Variants in CHL1 observed in about 807,000 individuals in gnomAD.
CHL1 encodes the protein neural cell adhesion molecule L1-like protein.
In CHL1, 96 loss-of-function variants were observed where a neutral mutation model predicts 141.9. That is an observed-to-expected ratio of 0.68 (90% CI 0.57 to 0.80). The LOEUF (loss-of-function observed/expected upper bound fraction) is 0.80. Among genes scored for constraint, CHL1 ranks in the 30% least tolerant of loss-of-function variants. The pLI is 0.00. For missense variants in CHL1, 1,820 were observed against 1,457.2 expected (o/e 1.25, Z -4.05); for synonymous variants, 613 against 502.2 (o/e 1.22, Z -2.95).
chr3:365,460 C>T (rs942426232), intron 14 of CHL1, among the ~76,000 whole-genome samples: 3 of 152,190 alleles, frequency 2.0e-5, no homozygotes, highest in Admixed American at 1.3e-4. Flanking sequence ...CAGTCACAGG[C>T]CCTACTTCCC....
chr3:366,455 A>C (rs1704896231), intron 15 of CHL1, among the ~76,000 whole-genome samples: 1 of 138,334 alleles, frequency 7.2e-6, no homozygotes, highest in Admixed American at 7.8e-5. Flanking sequence ...TGGGGGACAG[A>C]GAGAGACTCT....
At chr3:354,595 T>C in intron 10 of CHL1, 45 bp from the exon 11 acceptor site, 2 of 1,565,638 alleles carry the variant, frequency 1.3e-6, no homozygotes, top group East Asian at 4.5e-5. Context: ...TTTGGACTTT[T>C]TGACATAGAT....
At chr3:317,559 C>T (rs1467233007) in intron 2 of CHL1, among the ~76,000 whole-genome samples, 1 of 150,414 alleles carries the variant, frequency 6.6e-6, no homozygotes, top group Non-Finnish European at 1.5e-5. Context: ...GCATTGAAAA[C>T]TAATGGAACC....
At chr3:386,530 G>T (rs1267635375) in intron 19 of CHL1, among the ~76,000 whole-genome samples, 1 of 152,158 alleles carries the variant, frequency 6.6e-6, no homozygotes, top group African/African-American at 2.4e-5. Context: ...TTAAATACCT[G>T]TATCAGGATA....
intron 1 of CHL1, among the ~76,000 whole-genome samples, chr3:206,195 T>C (rs1191418051): frequency 1.3e-5 from 2 of 152,002 alleles, no homozygotes; most frequent in Non-Finnish European, 2.9e-5. Context: ...CTGCCAGAGG[T>C]GGTGGTGCAA....
chr3:273,030 G>C (rs113398948), intron 2 of CHL1, among the ~76,000 whole-genome samples: 1 of 152,164 alleles, frequency 6.6e-6, no homozygotes. Flanking sequence ...TTTCTGAAGC[G>C]GTGCCTTTGA....
intron 10 of CHL1, among the ~76,000 whole-genome samples, chr3:350,817 A>G (rs1703182669): frequency 6.6e-6 from 1 of 152,200 alleles, no homozygotes; most frequent in South Asian, 2.1e-4. Flanking sequence ...GATATGCATT[A>G]ACGTCAACAT....
At chr3:377,793 C>T (rs748484185) in intron 15 of CHL1, 25 bp from the exon 16 acceptor site, 2 of 1,579,572 alleles carry the variant, frequency 1.3e-6, no homozygotes, top group African/African-American at 1.4e-5. Flanking sequence ...TCCTTCTCAT[C>T]ATGTACTCAC....
chr3:403,869 C>A (rs1439344032), intron 27 of CHL1, among the ~76,000 whole-genome samples: 1 of 152,218 alleles, frequency 6.6e-6, no homozygotes, highest in African/African-American at 2.4e-5. Context: ...ATTCTTCTAG[C>A]TTCTGATAAT....
chr3:276,235 C>T (rs1696085087), intron 2 of CHL1, among the ~76,000 whole-genome samples: 2 of 152,006 alleles, frequency 1.3e-5, no homozygotes, highest in Non-Finnish European at 1.5e-5. Flanking sequence ...TATTATATTG[C>T]ACCACCAATC....
At chr3:326,103 T>A in intron 4 of CHL1, 39 bp downstream of exon 4, 1 of 1,254,700 alleles carries the variant, frequency 8.0e-7, no homozygotes, top group Non-Finnish European at 1.2e-6. Context: ...TTTAAATGCG[T>A]GCTGTTCTTT....
At chr3:330,111 T>C (rs1701321655) in intron 5 of CHL1, among the ~76,000 whole-genome samples, 1 of 152,104 alleles carries the variant, frequency 6.6e-6, no homozygotes, top group Non-Finnish European at 1.5e-5. Flanking sequence ...GGTAAAAGGT[T>C]ATATTTGATG....
chr3:404,540 A>G lies in CHL1; in HGVS notation c.3459-955A>G, dbSNP rs923887047. 4.6e-5 allele frequency among the ~76,000 whole-genome samples: 7 copies of G among 152,204 alleles called. No individual in the cohort carries two copies. In the East Asian group the frequency reaches 9.6e-4, roughly 21 times the overall value. On this transcript the variant is annotated intron_variant, in intron 27 of 27. Coordinates refer to ENST00000256509, the MANE Select transcript of CHL1 (RefSeq NM_006614.4). ...CTAATGGATTTGCTTCTGTTCATGA[A>G]TAAAACACCTACCATAAATATAGTA...
chr3:245,801 A>T (rs1336659303), intron 2 of CHL1, among the ~76,000 whole-genome samples: 1 of 152,134 alleles, frequency 6.6e-6, no homozygotes, highest in Non-Finnish European at 1.5e-5. Flanking sequence ...AAATGAATGC[A>T]GGCCATACCA....
intron 2 of CHL1, among the ~76,000 whole-genome samples, chr3:260,038 G>C (rs73092559): frequency 6.6e-6 from 1 of 152,090 alleles, no homozygotes; most frequent in Admixed American, 6.6e-5. Context: ...GCCGAGGCAG[G>C]CCTATCACTC....
chr3:268,856 A>G (rs1695388815), intron 2 of CHL1, among the ~76,000 whole-genome samples: 1 of 152,220 alleles, frequency 6.6e-6, no homozygotes, highest in Non-Finnish European at 1.5e-5. Flanking sequence ...CCTCTCTTCC[A>G]GTATTCGAGA....
chr3:364,832 G>T (rs1315049581), intron 14 of CHL1, among the ~76,000 whole-genome samples: 2 of 152,068 alleles, frequency 1.3e-5, no homozygotes, highest in Middle Eastern at 3.2e-3. Flanking sequence ...TCTGTAAGGT[G>T]GGAGTATTAA....
At chr3:402,097 T>C (rs1480587138) in intron 27 of CHL1, among the ~76,000 whole-genome samples, 1 of 152,212 alleles carries the variant, frequency 6.6e-6, no homozygotes, top group Non-Finnish European at 1.5e-5. Flanking sequence ...ACAAACCCTG[T>C]CCTCTAGATG....
chr3:354,864 T>G (rs1323837607), intron 11 of CHL1, 93 bp downstream of exon 11: 33 of 1,500,876 alleles, frequency 2.2e-5, no homozygotes, highest in Non-Finnish European at 2.6e-5. Flanking sequence ...AGTTGGTATG[T>G]GGTTGGATTA....
Sources: allele counts gnomAD v4.1 joint callset (sites outside exome capture counted in the v4.1 genomes callset), GRCh38; gene constraint gnomAD v4.1.1; transcripts MANE v1.5; gene names NCBI Gene and HGNC (gene_info 2026-07-23, HGNC 2026-07-21).